KAT5: variants seen among roughly 807,000 people sequenced by gnomAD.
KAT5 encodes lysine acetyltransferase 5.
Under a neutral mutation model 68.1 loss-of-function variants are expected in KAT5, and 31 were observed. That is an observed-to-expected ratio of 0.46 (90% CI 0.34 to 0.61). The LOEUF is 0.61. KAT5 is among the 20% of genes least tolerant of loss of function. KAT5 has a pLI of 0.01. For synonymous variants in KAT5, 365 were observed against 292.6 expected (o/e 1.25, Z -2.52); for missense variants, 451 against 725.5 (o/e 0.62, Z 4.35).
chr11:65,718,585 T>C lies in KAT5; in HGVS notation c.1265-5T>C. Reference sequence around the variant, plus strand: ...TACTCACCCTCTCCTGCTCCATTGCTTTAGGCTATGAACTCTCCAAAGTGG... The same window carrying C: ...TACTCACCCTCTCCTGCTCCATTGCCTTAGGCTATGAACTCTCCAAAGTGG... On this transcript the variant is annotated splice_polypyrimidine_tract_variant and splice_region_variant and intron_variant, in intron 10 of 12. Transcript: ENST00000341318. 1 of 1,613,606 alleles carries C rather than the reference T, an allele frequency of 6.2e-7. No individual in the cohort carries two copies. Among genetic ancestry groups the C allele is most frequent in the South Asian group, 1.1e-5 (1 of 91,048 alleles).
At chr11:65,713,922 G>A in intron 6 of KAT5, 74 bp downstream of exon 6, 1 of 1,344,032 alleles carries the variant, frequency 7.4e-7, no homozygotes, top group East Asian at 2.5e-5. Context: ...GTTATTTAGT[G>A]ATGAGTTTAA....
chr11:65,719,129 C>A lies in KAT5; in HGVS notation c.1589C>A (p.Ser530Tyr). ...CTCAAGCGGCTCCTGCGGATCGACT[C>A]CAAGTGTCTGCACTTCACTCCCAAG... ...AMLKRLLRID[S>Y]KCLHFTPKDW... is the part of the protein sequence containing the mutation. Residue 530 changes from serine (S) to tyrosine (Y), a missense_variant, in exon 13 of 13, where the codon TCC becomes TAC. This residue lies in a region of KAT5 where 210 missense variants were observed against 423.7 expected (regional missense o/e 0.50). Transcript: ENST00000341318. 1 of 1,614,236 alleles carries A rather than the reference C, an allele frequency of 6.2e-7. No individual in the cohort carries two copies. Among genetic ancestry groups the A allele is most frequent in the Non-Finnish European group, 8.5e-7 (1 of 1,180,044 alleles).
Position 65,714,652 on chromosome 11 carries a change from A to G in KAT5, c.848A>G (p.Tyr283Cys). 1.2e-6 allele frequency: 2 copies of G among 1,614,172 alleles called. No individual in the cohort carries two copies. The highest frequency in any genetic ancestry group is 1.7e-6 in the Non-Finnish European group (2 of 1,180,030). ...HRLKPWYFSPYPQELTTLPVL... is the reference protein window; with the variant it reads ...HRLKPWYFSPCPQELTTLPVL... ...CTCAAGCCGTGGTACTTCTCCCCGT[A>G]CCCACAGGAACTCACCACATTGCCT... Residue 283 changes from tyrosine to cysteine, a missense_variant, in exon 7 of 13, where the codon TAC becomes TGC. Physicochemically the swap from Tyr to Cys is radical, Grantham distance 194. Around this residue, in one of 4 missense-constraint regions of KAT5, gnomAD observed 210 missense variants for 423.7 expected, o/e 0.50. Coordinates refer to ENST00000341318, the MANE Select transcript of KAT5 (RefSeq NM_182710.3).
Position 65,713,480 on chromosome 11 carries a change from C to G in KAT5, c.517C>G (p.Leu173Val). 2 of 1,614,244 alleles carry G rather than the reference C, an allele frequency of 1.2e-6. No individual in the cohort carries two copies. Among genetic ancestry groups the G allele is most frequent in the Non-Finnish European group, 1.7e-6 (2 of 1,180,044 alleles). ...PDQPLSSSSCLQPNHRSTKRK... is the reference protein window; with the variant it reads ...PDQPLSSSSCVQPNHRSTKRK... ...CCAGCCGCTCTCCTCCAGCTCCTGC[C>G]TGCAGCCCAACCACCGCTCAACGGT... is the stretch of plus-strand genomic sequence containing the variant. Residue 173 changes from leucine to valine, a missense_variant, in exon 4 of 13, where the codon CTG becomes GTG. By Grantham distance (32) the Leu-to-Val change is conservative. Coordinates refer to ENST00000341318, the MANE Select transcript of KAT5 (RefSeq NM_182710.3).
At position 65,713,069 on chromosome 11, in the gene KAT5, C is replaced by A. The variant is rs746440956; in HGVS notation, c.384+11C>A. ...CCAGAGAGAGAGGTGGTGAGTAGGT[C>A]CCCCACTTCACCTTTTCTCTCCTGC... On this transcript the variant is annotated intron_variant, in intron 3 of 12. Transcript: ENST00000341318. 6.2e-7 allele frequency: 1 copy of A among 1,612,212 alleles called. No individual in the cohort carries two copies.
At position 65,718,608 on chromosome 11, in the gene KAT5, T is replaced by C; in HGVS notation, c.1283T>C (p.Val428Ala). The C allele has an allele frequency of 1.2e-6, 2 of 1,614,064 alleles. No individual in the cohort carries two copies. Among genetic ancestry groups the C allele is most frequent in the Non-Finnish European group, 1.7e-6 (2 of 1,179,992 alleles). Residue 428 changes from valine to alanine, a missense_variant, in exon 11 of 13, where the codon GTG (valine) becomes GCG (alanine). By Grantham distance (64) the Val-to-Ala change is moderately conservative. Around this residue, in one of 4 missense-constraint regions of KAT5, gnomAD observed 210 missense variants for 423.7 expected, o/e 0.50. Transcript: ENST00000341318. ...LIEFSYELSK[V>A]EGKTGTPEKP... The stretch of plus-strand genomic sequence containing the variant: ...GCTTTAGGCTATGAACTCTCCAAAG[T>C]GGAAGGGAAAACAGGGACCCCTGAG...
rs767840020 is a variant in KAT5, at chr11:65,716,624, A to G, written c.1030-43A>G. 23 of 1,599,484 alleles carry G rather than the reference A, an allele frequency of 1.4e-5. No individual in the cohort carries two copies. In the East Asian group the frequency reaches 4.2e-4, roughly 29 times the overall value. ...TGACCCTGAACCACTGGCCAGGCTCAAGGCGGGATACCCAGAGTGGTGACA... is the reference window on the plus strand; with the variant it reads ...TGACCCTGAACCACTGGCCAGGCTCGAGGCGGGATACCCAGAGTGGTGACA... On this transcript the variant is annotated intron_variant, in intron 8 of 12. Coordinates refer to ENST00000341318, the MANE Select transcript of KAT5 (RefSeq NM_182710.3).
chr11:65,712,553 G>A (rs1405176750), intron 1 of KAT5, 108 bp downstream of exon 1: 1 of 1,376,562 alleles, frequency 7.3e-7, no homozygotes, highest in Non-Finnish European at 1.0e-6. Context: ...CGGGCGAGGC[G>A]CAGATACTTT....
In KAT5 at chr11:65,716,874, G is replaced by T; in HGVS notation, c.1171-15G>T. 6.2e-7 allele frequency: 1 copy of T among 1,613,488 alleles called. No homozygotes were observed. ...CAGATCCCTTCCCTGACACTCACCT[G>T]TCCCCCTTCTCCAGGAGAAAGAATC... On this transcript the variant is annotated splice_polypyrimidine_tract_variant and intron_variant, in intron 9 of 12. Transcript: ENST00000341318.
chr11:65,716,617 C>T lies in KAT5; in HGVS notation c.1030-50C>T, dbSNP rs374171659. On this transcript the variant is annotated intron_variant, in intron 8 of 12. Transcript: ENST00000341318. ...TCCTGGTTGACCCTGAACCACTGGCCAGGCTCAAGGCGGGATACCCAGAGT... is the reference window on the plus strand; with the variant it reads ...TCCTGGTTGACCCTGAACCACTGGCTAGGCTCAAGGCGGGATACCCAGAGT... 3.1e-5 allele frequency: 49 copies of T among 1,586,346 alleles called. No individual in the cohort carries two copies. In the African/African-American group the frequency reaches 6.2e-4, roughly 20 times the overall value.
intron 8 of KAT5, 168 bp downstream of exon 8, chr11:65,715,078 T>C (rs1857149845): frequency 3.7e-5 from 24 of 649,246 alleles, no homozygotes; most frequent in South Asian, 3.7e-4. Context: ...CTCTGTTCTC[T>C]GACAGCTTAG....
rs1477798565 is a variant in KAT5, at chr11:65,718,399, A to G, written c.1265-191A>G. ...TGCCCTCATGCCCTCCACTGTGCTC[A>G]GCGCACGGAAAGAGTGAATACTCAG... On this transcript the variant is annotated intron_variant, in intron 10 of 12. Coordinates refer to ENST00000341318, the MANE Select transcript of KAT5 (RefSeq NM_182710.3). 1.8e-5 allele frequency: 11 copies of G among 619,434 alleles called. No individual in the cohort carries two copies. In the Admixed American group the frequency reaches 3.0e-4, roughly 17 times the overall value. The allele number at this position is 619,434 out of a possible 1,614,324, so 38.4% of individuals were successfully genotyped here. A position where few individuals can be genotyped will look rare whatever the true frequency, so the allele number is the denominator to read the frequency against.
In KAT5 at chr11:65,718,768, A is replaced by G. The variant is rs201467701; in HGVS notation, c.1424+19A>G. 6.2e-7 allele frequency: 1 copy of G among 1,614,084 alleles called. No individual in the cohort carries two copies. The highest frequency in any genetic ancestry group is 1.3e-5 in the African/African-American group (1 of 75,022). On this transcript the variant is annotated intron_variant, in intron 11 of 12. Coordinates refer to ENST00000341318, the MANE Select transcript of KAT5 (RefSeq NM_182710.3). ...CCATCAAGTGAGCCTGGCGCTGTCT[A>G]CCTGGGGGTACATGGCATGGCTTGT... is the stretch of plus-strand genomic sequence containing the variant.
chr11:65,714,378 G>C (rs1249318002), intron 6 of KAT5, 117 bp from the exon 7 acceptor site: 1 of 1,166,468 alleles, frequency 8.6e-7, no homozygotes, highest in Non-Finnish European at 1.2e-6. Context: ...GGGGATCATG[G>C]TACCTCCCCC....
At chr11:65,712,857 G>A (rs747588721) in intron 2 of KAT5, 23 bp downstream of exon 2, 5 of 1,613,982 alleles carry the variant, frequency 3.1e-6, no homozygotes, top group East Asian at 4.5e-5. Context: ...CCTGAGGTGG[G>A]GCATCAGGGT....
At position 65,719,482 on chromosome 11, in the gene KAT5, G is replaced by A. The variant is rs1857324079; in HGVS notation, c.*301G>A. 2 of 609,116 alleles carry A rather than the reference G, an allele frequency of 3.3e-6. No homozygotes were observed. Among genetic ancestry groups the A allele is most frequent in the Admixed American group, 2.9e-5 (1 of 34,194 alleles). The allele number at this position is 609,116 out of a possible 1,614,324, so 37.7% of individuals were successfully genotyped here. On this transcript the variant is annotated 3_prime_UTR_variant, in exon 13 of 13. Coordinates refer to ENST00000341318, the MANE Select transcript of KAT5 (RefSeq NM_182710.3). ...CGGATGGGGGAGCTCTGTACAGAGG[G>A]CTGGTGATTGTAAAAATTTCTTTTG...
At position 65,719,248 on chromosome 11, in the gene KAT5, A is replaced by G. The variant is rs573105388; in HGVS notation, c.*67A>G. 1.1e-5 allele frequency: 17 copies of G among 1,563,536 alleles called. 1 individual carries two copies. The South Asian group carries it at 1.6e-4, about 15-fold the overall frequency. On this transcript the variant is annotated 3_prime_UTR_variant, in exon 13 of 13. Transcript: ENST00000341318. ...GGGGCTGATAGCCCACCCCGCCCCC[A>G]CTGCAGCTCCCACAAAGCACTCTAA...
chr11:65,718,885 A>G lies in KAT5; in HGVS notation c.1437A>G (p.Glu479=). 6.2e-7 allele frequency: 1 copy of G among 1,614,162 alleles called. No homozygotes were observed. Among genetic ancestry groups the G allele is most frequent in the Non-Finnish European group, 8.5e-7 (1 of 1,180,026 alleles). The change falls in exon 12 of 13, where the codon GAA becomes GAG. Residue 479 remains glutamate (E), a synonymous_variant. Transcript: ENST00000341318. ...TGCTCTCCCACAGTGAGATTAGTGA[A>G]ATCACCAGCATCAAGAAGGAGGATG... The part of the protein sequence containing the change: ...RPQITINEIS[E]ITSIKKEDVI...
At chr11:65,717,308 C>T (rs550675222) in intron 10 of KAT5, 194 of 447,980 alleles carry the variant, frequency 4.3e-4, no homozygotes, top group African/African-American at 2.7e-3. Context: ...TATCTGGTAA[C>T]GTGTGCCATG....
Sources: gnomAD v4.1 joint callset for allele counts on GRCh38, gnomAD v4.1.1 for gene constraint, gnomAD v4.1.1 regional missense constraint, MANE v1.5 for transcripts, NCBI Gene and HGNC (gene_info 2026-07-23, HGNC 2026-07-21) for gene names.